HELZ: variants seen among roughly 807,000 people sequenced by gnomAD.
The protein encoded by HELZ is helicase with zinc finger.
Under a neutral mutation model 218.2 loss-of-function variants are expected in HELZ, and 23 were observed. That is an observed-to-expected ratio of 0.11 (90% CI 0.08 to 0.15). HELZ has a LOEUF of 0.15. Ranked by LOEUF, HELZ falls within the 10% of genes least tolerant of loss-of-function variation. The pLI is 1.00. For missense variants in HELZ, 1,813 were observed against 2,353.7 expected (o/e 0.77, Z 4.75); for synonymous variants, 814 against 829.4 (o/e 0.98, Z 0.32).
chr17:67,160,355 T>C lies in HELZ; in HGVS notation c.2083A>G (p.Ile695Val). The C allele has an allele frequency of 6.3e-7, 1 of 1,599,464 alleles. No individual in the cohort carries two copies. Residue 695 changes from isoleucine to valine, a missense_variant, in exon 17 of 33, where the codon ATT (isoleucine) becomes GTT (valine). Transcript: ENST00000358691. ...GCAGCACTATTAGAATGGGTGCAAA[T>C]GAGAATCCTGCTGAAATAAATGGTG... ...ILQQQETRIL[I>V]CTHSNSAADL...
chr17:67,171,039 T>TG (rs1555615969), intron 13 of HELZ, among the ~76,000 whole-genome samples: 1 of 146,440 alleles, frequency 6.8e-6, no homozygotes, highest in Non-Finnish European at 1.5e-5. Context: ...GATGTACAGT[T>TG]TTTTTTTTTT....
In HELZ at chr17:67,178,771, G is replaced by C; in HGVS notation, c.1318C>G (p.Gln440Glu). Reference sequence around the variant, plus strand: ...TCTAAAACGGACTGAGTAAATAGCTGGTCAGCAGAGAGGGGAATTTGGTAT... The same window carrying C: ...TCTAAAACGGACTGAGTAAATAGCTCGTCAGCAGAGAGGGGAATTTGGTAT... ...IRYQIPLSADQLFTQSVLDKS... is the reference protein window; with the variant it reads ...IRYQIPLSADELFTQSVLDKS... The change falls in exon 13 of 33, where the codon CAG becomes GAG. Residue 440 changes from glutamine (Q) to glutamate (E), a missense_variant. Gln to Glu is a conservative substitution (Grantham distance 29, BLOSUM62 2). This residue lies in a region of HELZ where 714 missense variants were observed against 1,029.2 expected (regional missense o/e 0.69). Transcript: ENST00000358691. 1 of 1,613,906 alleles carries C rather than the reference G, an allele frequency of 6.2e-7. No individual in the cohort carries two copies. The highest frequency in any genetic ancestry group is 8.5e-7 in the Non-Finnish European group (1 of 1,179,880).
intron 28 of HELZ, among the ~76,000 whole-genome samples, chr17:67,111,359 G>A (rs2037274825): frequency 6.6e-6 from 1 of 152,024 alleles, no homozygotes; most frequent in African/African-American, 2.4e-5. Flanking sequence ...TTCTTTTCCG[G>A]CTCTGTCAAA....
Position 67,123,946 on chromosome 17 carries a change from G to C in HELZ, c.3439+17C>G, listed in dbSNP as rs1227920795. The C allele has an allele frequency of 1.3e-6, 2 of 1,590,350 alleles. No individual in the cohort carries two copies. Among genetic ancestry groups the C allele is most frequent in the East Asian group, 4.5e-5 (2 of 44,680 alleles). On this transcript the variant is annotated intron_variant, in intron 25 of 32. Coordinates refer to ENST00000358691, the MANE Select transcript of HELZ (RefSeq NM_014877.4). Reference sequence around the variant, plus strand: ...CATCATAAAAGCAAGTTTTCATAGGGTAATTTTTCCACTTACCAATTCCAT... The same window carrying C: ...CATCATAAAAGCAAGTTTTCATAGGCTAATTTTTCCACTTACCAATTCCAT...
intron 27 of HELZ, among the ~76,000 whole-genome samples, chr17:67,119,738 C>T (rs188475087): frequency 6.6e-6 from 1 of 152,200 alleles, no homozygotes; most frequent in Non-Finnish European, 1.5e-5. Context: ...TAGTACACCA[C>T]AAAAATATTT....
intron 31 of HELZ, among the ~76,000 whole-genome samples, chr17:67,094,466 A>G (rs1418803518): frequency 2.0e-5 from 3 of 152,080 alleles, no homozygotes; most frequent in Non-Finnish European, 4.4e-5. Flanking sequence ...AGATACAGAC[A>G]CACCTTGGAG....
At chr17:67,113,282 CAG>C (rs918346123) in intron 28 of HELZ, among the ~76,000 whole-genome samples, 2 of 151,536 alleles carry the variant, frequency 1.3e-5, no homozygotes, top group Non-Finnish European at 2.9e-5. Context: ...TTTTTTTAGA[CAG>C]AGTCTCGCTC....
intron 31 of HELZ, among the ~76,000 whole-genome samples, chr17:67,103,717 C>G (rs1243294704): frequency 6.6e-6 from 1 of 152,046 alleles, no homozygotes; most frequent in Non-Finnish European, 1.5e-5. Context: ...TGTCAGCTGG[C>G]TTTTTTTCTG....
At position 67,160,977 on chromosome 17, in the gene HELZ, A is replaced by G. The variant is rs1031638859; in HGVS notation, c.1995T>C (p.Leu665=). 3 of 1,613,852 alleles carry G rather than the reference A, an allele frequency of 1.9e-6. No homozygotes were observed. Among genetic ancestry groups the G allele is most frequent in the Non-Finnish European group, 1.7e-6 (2 of 1,179,824 alleles). ...TGCCTGTCCCATAGGGTCCGATGAT[A>G]AGCACAGGCGGCAGCTGGATTGCAA... ...TPLAIQLPPV[L]IIGPYGTGKT... is the part of the protein sequence containing the mutation. The change falls in exon 16 of 33, where the codon CTT becomes CTC. Residue 665 remains leucine, a synonymous_variant. Coordinates refer to ENST00000358691, the MANE Select transcript of HELZ (RefSeq NM_014877.4).
intron 6 of HELZ, among the ~76,000 whole-genome samples, chr17:67,201,795 G>T (rs185923502): frequency 1.3e-5 from 2 of 152,152 alleles, no homozygotes; most frequent in African/African-American, 4.8e-5. Flanking sequence ...ACAAAGAAGA[G>T]ATATATTCCT....
At chr17:67,140,040 T>C (rs2038274035) in intron 21 of HELZ, among the ~76,000 whole-genome samples, 1 of 152,200 alleles carries the variant, frequency 6.6e-6, no homozygotes, top group Non-Finnish European at 1.5e-5. Context: ...ATTGACAGTT[T>C]GCATTTTCTC....
chr17:67,237,186 G>A (rs181363415), intron 3 of HELZ, among the ~76,000 whole-genome samples: 46 of 152,238 alleles, frequency 3.0e-4, no homozygotes, highest in African/African-American at 1.1e-3. Context: ...TAGGGAGGCT[G>A]AGGCAAGAGA....
chr17:67,144,485 A>T lies in HELZ; in HGVS notation c.2769+1258T>A, dbSNP rs1309796949. On this transcript the variant is annotated intron_variant, in intron 21 of 32. Transcript: ENST00000358691. Reference sequence around the variant, plus strand: ...TGATCTTTTAATACGAACAAATATTAAAAAAAAAAAAAAAACCTTTGAGTA... The same window carrying T: ...TGATCTTTTAATACGAACAAATATTTAAAAAAAAAAAAAAACCTTTGAGTA... Among the ~76,000 whole-genome samples, 6 of 134,998 alleles carry T rather than the reference A, an allele frequency of 4.4e-5. No individual in the cohort carries two copies. In the South Asian group the frequency reaches 6.9e-4, roughly 16 times the overall value. 88.6% of individuals were successfully genotyped at this position (134,998 alleles called of 152,430 possible). A position where few individuals can be genotyped will look rare whatever the true frequency, so the allele number is the denominator to read the frequency against.
At chr17:67,235,950 C>T (rs2041171071) in intron 3 of HELZ, among the ~76,000 whole-genome samples, 2 of 151,948 alleles carry the variant, frequency 1.3e-5, no homozygotes, top group South Asian at 2.1e-4. Context: ...TTAGAAGAGA[C>T]GGGGTTTCAT....
rs111235298 is a variant in HELZ, at chr17:67,140,617, G to A, written c.2770-2503C>T. 2.1e-3 allele frequency among the ~76,000 whole-genome samples: 313 copies of A among 152,278 alleles called. 1 individual carries two copies. The highest frequency in any genetic ancestry group is 7.2e-3 in the African/African-American group (299 of 41,546). On this transcript the variant is annotated intron_variant, in intron 21 of 32. Coordinates refer to ENST00000358691, the MANE Select transcript of HELZ (RefSeq NM_014877.4). ...CAATTAAGCTCACCAACATGCATCT[G>A]ATGGGAGAACAGGAGGAGCGCAAAG... is the stretch of plus-strand genomic sequence containing the variant.
At chr17:67,195,654 A>G (rs879833880) in intron 7 of HELZ, among the ~76,000 whole-genome samples, 184 bp from the exon 8 acceptor site, 6 of 152,096 alleles carry the variant, frequency 3.9e-5, no homozygotes, top group Non-Finnish European at 5.9e-5. Context: ...TATGGAAAAC[A>G]TATTTGTGAG....
At chr17:67,138,423 G>T (rs2143956593) in intron 21 of HELZ, among the ~76,000 whole-genome samples, 1 of 152,140 alleles carries the variant, frequency 6.6e-6, no homozygotes, top group Non-Finnish European at 1.5e-5. Context: ...TCCTGTGTGG[G>T]AAAAAGACAG....
intron 32 of HELZ, among the ~76,000 whole-genome samples, chr17:67,085,316 G>A (rs2036335549): frequency 6.6e-6 from 1 of 152,100 alleles, no homozygotes; most frequent in African/African-American, 2.4e-5. Context: ...CAGCTACTTG[G>A]GAGGCTGAGG....
rs1433428948 is a variant in HELZ at position 67,075,587 on chromosome 17, G to GA, written c.*2664dup. 1 of 152,176 alleles carries GA rather than the reference G, an allele frequency of 6.6e-6. No individual in the cohort carries two copies. The highest frequency in any genetic ancestry group is 1.5e-5 in the Non-Finnish European group (1 of 68,018). 9.4% of individuals were successfully genotyped at this position (152,176 alleles called of 1,614,324 possible). The stretch of plus-strand genomic sequence containing the variant: ...TCAGAAGACACGCCTCATTTTGATG[G>GA]AAACTTGCAATGATTCTTACACAAG... On this transcript the variant is annotated 3_prime_UTR_variant, in exon 33 of 33. Coordinates refer to ENST00000358691, the MANE Select transcript of HELZ (RefSeq NM_014877.4).
Sources: allele counts gnomAD v4.1 joint callset (sites outside exome capture counted in the v4.1 genomes callset), GRCh38; gene constraint gnomAD v4.1.1; regional missense constraint gnomAD v4.1.1; transcripts MANE v1.5; gene names NCBI Gene and HGNC (gene_info 2026-07-23, HGNC 2026-07-21).